Variants in HSD17B12 observed in about 807,000 individuals in gnomAD.
The protein encoded by HSD17B12 is hydroxysteroid 17-beta dehydrogenase 12, also known as very-long-chain 3-oxoacyl-CoA reductase.
In HSD17B12, 32 loss-of-function variants were observed where a neutral mutation model predicts 39.3. That is an observed-to-expected ratio of 0.81 (90% CI 0.61 to 1.09). HSD17B12 has a LOEUF of 1.09. HSD17B12 is among the 50% of genes least tolerant of loss of function. HSD17B12 has a pLI of 0.00. For missense variants in HSD17B12, 342 were observed against 382.9 expected (o/e 0.89, Z 0.89); for synonymous variants, 150 against 146.7 (o/e 1.02, Z -0.16).
chr11:43,755,035 T>C (rs1475528257), intron 3 of HSD17B12: 3 of 534,284 alleles, frequency 5.6e-6, no homozygotes, highest in Non-Finnish European at 9.9e-6. Flanking sequence ...CTTCTGTGTA[T>C]AATGCTTATA....
the HSD17B12 span, among the ~76,000 whole-genome samples, chr11:43,649,526 G>GA: frequency 6.6e-6 from 1 of 151,974 alleles, no homozygotes; most frequent in Non-Finnish European, 1.5e-5. Flanking sequence ...TAAATCAATA[G>GA]AAAAAAATGG....
chr11:43,667,204 T>C, the HSD17B12 span, among the ~76,000 whole-genome samples: 1 of 152,148 alleles, frequency 6.6e-6, no homozygotes, highest in Non-Finnish European at 1.5e-5. Flanking sequence ...CAGGCTGGAG[T>C]GTAGTGGTGC....
chr11:43,712,391 C>T (rs977245454), intron 1 of HSD17B12, among the ~76,000 whole-genome samples: 5 of 152,074 alleles, frequency 3.3e-5, no homozygotes, highest in African/African-American at 9.7e-5. Flanking sequence ...GTTGCCACTG[C>T]ACTCCAGCCT....
the HSD17B12 span, among the ~76,000 whole-genome samples, chr11:43,623,520 G>A: frequency 5.3e-5 from 8 of 151,656 alleles, no homozygotes; most frequent in Admixed American, 4.0e-4. Flanking sequence ...CAAATCTTAT[G>A]TTTAACAGAT....
chr11:43,835,015 T>G (rs996834511), intron 7 of HSD17B12, among the ~76,000 whole-genome samples: 2 of 152,176 alleles, frequency 1.3e-5, no homozygotes, highest in African/African-American at 4.8e-5. Flanking sequence ...ATTGCTTGAC[T>G]TGTTTATTTG....
chr11:43,623,376 A>G, the HSD17B12 span, among the ~76,000 whole-genome samples: 1 of 148,608 alleles, frequency 6.7e-6, no homozygotes, highest in Non-Finnish European at 1.5e-5. Flanking sequence ...TAAGCAAAGC[A>G]TTAAAGGTTT....
chr11:43,800,593 G>A (rs890842537), intron 4 of HSD17B12, among the ~76,000 whole-genome samples: 3 of 152,114 alleles, frequency 2.0e-5, no homozygotes, highest in South Asian at 2.1e-4. Context: ...GATCTGTTAA[G>A]GATAAGCATA....
chr11:43,653,943 A>G, the HSD17B12 span, among the ~76,000 whole-genome samples: 2 of 152,174 alleles, frequency 1.3e-5, no homozygotes, highest in Admixed American at 1.3e-4. Flanking sequence ...TGGTATTTCT[A>G]GTTCTAGATC....
chr11:43,679,028 T>A (rs1364595672), upstream of HSD17B12, among the ~76,000 whole-genome samples: 2 of 152,230 alleles, frequency 1.3e-5, no homozygotes, highest in Non-Finnish European at 1.5e-5. Flanking sequence ...CCTTGGGCAG[T>A]ATGGCCATTT....
At chr11:43,814,388 A>G (rs1409770088) in intron 4 of HSD17B12, among the ~76,000 whole-genome samples, 1 of 152,196 alleles carries the variant, frequency 6.6e-6, no homozygotes, top group African/African-American at 2.4e-5. Context: ...GATTAAGTGT[A>G]GATAGGCAGA....
the HSD17B12 span, among the ~76,000 whole-genome samples, chr11:43,618,463 G>A: frequency 1.3e-5 from 2 of 152,202 alleles, no homozygotes. Flanking sequence ...CTCTGTATAT[G>A]AAAGATATTG....
At chr11:43,633,393 G>A in the HSD17B12 span, among the ~76,000 whole-genome samples, 1 of 151,986 alleles carries the variant, frequency 6.6e-6, no homozygotes, top group African/African-American at 2.4e-5. Context: ...TTAGCAGGGT[G>A]CGGTGGCAGG....
intron 3 of HSD17B12, among the ~76,000 whole-genome samples, chr11:43,763,252 A>G (rs1423387975): frequency 1.3e-5 from 2 of 152,192 alleles, no homozygotes; most frequent in African/African-American, 4.8e-5. Flanking sequence ...TTAATTTGGT[A>G]TGACAGCAAT....
chr11:43,700,288 G>A (rs529935561), intron 1 of HSD17B12, among the ~76,000 whole-genome samples: 1 of 152,044 alleles, frequency 6.6e-6, no homozygotes, highest in Admixed American at 6.6e-5. Context: ...TTTGATACAG[G>A]CATGCAATGA....
Position 43,855,544 on chromosome 11 carries a change from A to C in HSD17B12, c.*296A>C. 5.9e-6 allele frequency: 1 copy of C among 169,544 alleles called. No homozygotes were observed. The highest frequency in any genetic ancestry group is 1.3e-5 in the Non-Finnish European group (1 of 79,892). The allele number at this position is 169,544 out of a possible 1,614,324, so 10.5% of individuals were successfully genotyped here. A position where few individuals can be genotyped will look rare whatever the true frequency, so the allele number is the denominator to read the frequency against. ...GAATACTATTATAGCAAATCACAGA[A>C]TGATAGACTCAAGCATAAAACTTGG... On this transcript the variant is annotated 3_prime_UTR_variant, in exon 11 of 11. Coordinates refer to ENST00000278353, the MANE Select transcript of HSD17B12 (RefSeq NM_016142.3).
At chr11:43,817,006 ATATC>A (rs1360983775) in intron 6 of HSD17B12, among the ~76,000 whole-genome samples, 1 of 22,932 alleles carries the variant, frequency 4.4e-5, no homozygotes, top group African/African-American at 1.2e-4. Flanking sequence ...ATCTATATCT[ATATC>A]TATATCTATA....
At chr11:43,787,011 G>C (rs1321007247) in intron 3 of HSD17B12, among the ~76,000 whole-genome samples, 1 of 152,118 alleles carries the variant, frequency 6.6e-6, no homozygotes, top group Admixed American at 6.5e-5. Context: ...TGGTGATCTT[G>C]GCTCACTTCA....
chr11:43,688,234 A>G (rs1949820102), intron 1 of HSD17B12, among the ~76,000 whole-genome samples: 1 of 152,230 alleles, frequency 6.6e-6, no homozygotes, highest in East Asian at 1.9e-4. Flanking sequence ...AATTTAATGA[A>G]TACAATAAAA....
intron 1 of HSD17B12, among the ~76,000 whole-genome samples, chr11:43,694,178 G>T (rs1392589218): frequency 6.6e-6 from 1 of 152,088 alleles, no homozygotes; most frequent in Non-Finnish European, 1.5e-5. Context: ...GTTAGGGTTG[G>T]TTTTGTTATT....
Sources: allele counts gnomAD v4.1 joint callset (sites outside exome capture counted in the v4.1 genomes callset), GRCh38; gene constraint gnomAD v4.1.1; transcripts MANE v1.5; gene names NCBI Gene and HGNC (gene_info 2026-07-23, HGNC 2026-07-21).